Variants in WWP2 observed in about 807,000 individuals in gnomAD.
WWP2 encodes NEDD4-like E3 ubiquitin-protein ligase WWP2.
A neutral mutation model predicts 121.0 loss-of-function variants in WWP2; 57 were observed. The ratio of observed to expected loss-of-function variants is 0.47; its 90% confidence interval spans 0.38 to 0.59. The LOEUF is 0.59. WWP2 is among the 20% of genes least tolerant of loss of function. The pLI, the probability that WWP2 is intolerant of heterozygous loss-of-function variation, is 0.00. For missense variants in WWP2, 962 were observed against 1,158.9 expected (o/e 0.83, Z 2.47); for synonymous variants, 449 against 441.3 (o/e 1.02, Z -0.22).
chr16:69,853,378 G>A (rs1282809969), intron 6 of WWP2, among the ~76,000 whole-genome samples: 1 of 152,212 alleles, frequency 6.6e-6, no homozygotes, highest in African/African-American at 2.4e-5. Flanking sequence ...TATTTGAAGT[G>A]GGTGTGCAGG....
Position 69,871,881 on chromosome 16 carries a change from A to T in WWP2, c.653A>T (p.His218Leu). 6.2e-7 allele frequency: 1 copy of T among 1,614,042 alleles called. No individual in the cohort carries two copies. Among genetic ancestry groups the T allele is most frequent in the South Asian group, 1.1e-5 (1 of 91,084 alleles). Reference sequence around the variant, plus strand: ...CAAAGCCCCGGTGCTCGGAGCCGGCACCGCCAGCCCGTCAAGAACTCAGGC... The same window carrying T: ...CAAAGCCCCGGTGCTCGGAGCCGGCTCCGCCAGCCCGTCAAGAACTCAGGC... Reference protein sequence around the residue: ...GEQSPGARSRHRQPVKNSGHS... With the variant: ...GEQSPGARSRLRQPVKNSGHS... The change falls in exon 7 of 24, where the codon CAC becomes CTC. Residue 218 changes from histidine (H) to leucine (L), a missense_variant. His to Leu is a moderately conservative substitution (Grantham distance 99). Coordinates refer to ENST00000359154, the MANE Select transcript of WWP2 (RefSeq NM_001270454.2).
chr16:69,852,682 C>G (rs910059993), intron 6 of WWP2, among the ~76,000 whole-genome samples: 1 of 147,764 alleles, frequency 6.8e-6, no homozygotes, highest in Non-Finnish European at 1.5e-5. Context: ...TGTTCATGTT[C>G]TTATTGTTGA....
chr16:69,838,641 G>T, intron 4 of WWP2: 1 of 803,036 alleles, frequency 1.2e-6, no homozygotes, highest in African/African-American at 1.9e-5. Flanking sequence ...CACTCCCAGG[G>T]ATGGCAAGAG....
chr16:69,766,720 C>T (rs2038738586), intron 1 of WWP2, among the ~76,000 whole-genome samples: 1 of 152,130 alleles, frequency 6.6e-6, no homozygotes, highest in Non-Finnish European at 1.5e-5. Flanking sequence ...CTTTACTCAA[C>T]CATCACCTTC....
At chr16:69,763,437 A>T (rs570805131) in intron 1 of WWP2, among the ~76,000 whole-genome samples, 1 of 152,324 alleles carries the variant, frequency 6.6e-6, no homozygotes, top group African/African-American at 2.4e-5. Flanking sequence ...AAGGAGTTTC[A>T]TGAGTGCAGT....
rs2058692765 is a variant in WWP2, at chr16:69,930,209, A to G, written c.1396A>G (p.Asn466Asp). 1.9e-6 allele frequency: 3 copies of G among 1,613,926 alleles called. No individual in the cohort carries two copies. The highest frequency in any genetic ancestry group is 1.1e-5 in the South Asian group (1 of 91,044). Residue 466 changes from asparagine to aspartate, a missense_variant, in exon 13 of 24, where the codon AAT becomes GAT. Coordinates refer to ENST00000359154, the MANE Select transcript of WWP2 (RefSeq NM_001270454.2). ...SEGVRYFVDH[N>D]TRTTTFKDPR... is the part of the protein sequence containing the mutation. ...GGGGGTGCGATACTTTGTGGACCAC[A>G]ATACCCGCACCACCACCTTTAAGGA...
At chr16:69,810,003 A>G (rs1458881064) in intron 4 of WWP2, among the ~76,000 whole-genome samples, 1 of 152,156 alleles carries the variant, frequency 6.6e-6, no homozygotes, top group Non-Finnish European at 1.5e-5. Context: ...TGTGTAGGGT[A>G]AGTGGGTCAC....
chr16:69,910,556 C>T (rs998720825), intron 9 of WWP2, among the ~76,000 whole-genome samples: 2 of 152,192 alleles, frequency 1.3e-5, no homozygotes, highest in African/African-American at 4.8e-5. Context: ...ATTACAGGCG[C>T]CCGCCACTAT....
chr16:69,840,976 G>T (rs928369929), intron 5 of WWP2, among the ~76,000 whole-genome samples: 1 of 152,350 alleles, frequency 6.6e-6, no homozygotes, highest in Middle Eastern at 3.4e-3. Context: ...TCAGTGGCCG[G>T]ATGGGCCTTG....
At chr16:69,797,956 A>T (rs749025996) in intron 2 of WWP2, among the ~76,000 whole-genome samples, 24 of 151,930 alleles carry the variant, frequency 1.6e-4, no homozygotes, top group Non-Finnish European at 2.9e-4. Flanking sequence ...GGGCTGAAGC[A>T]GCCCTCCCAC....
At chr16:69,861,604 T>C (rs533980075) in intron 6 of WWP2, among the ~76,000 whole-genome samples, 2 of 151,412 alleles carry the variant, frequency 1.3e-5, no homozygotes, top group African/African-American at 4.8e-5. Context: ...TAACTCTAAT[T>C]GTGCCTTTCC....
At position 69,931,256 on chromosome 16, in the gene WWP2, C is replaced by G. The variant is rs760679459; in HGVS notation, c.1521+29C>G. ...AGTTCTGGTACTGGGGCTCCCGTGGCAGTTGGGGTTATTGAGTTATTTCAG... is the reference window on the plus strand; with the variant it reads ...AGTTCTGGTACTGGGGCTCCCGTGGGAGTTGGGGTTATTGAGTTATTTCAG... On this transcript the variant is annotated intron_variant, in intron 14 of 23. Coordinates refer to ENST00000359154, the MANE Select transcript of WWP2 (RefSeq NM_001270454.2). The G allele has an allele frequency of 1.9e-6, 3 of 1,612,816 alleles. No homozygotes were observed. The South Asian group carries it at 3.3e-5, about 18-fold the overall frequency.
At chr16:69,921,733 A>G (rs1047939962) in intron 10 of WWP2, among the ~76,000 whole-genome samples, 25 of 152,172 alleles carry the variant, frequency 1.6e-4, no homozygotes, top group African/African-American at 5.6e-4. Context: ...TGACGGGACT[A>G]TCACACGGCC....
intron 4 of WWP2, among the ~76,000 whole-genome samples, chr16:69,837,416 TTCTGAGCCTTCAAA>T (rs2056896679): frequency 6.6e-6 from 1 of 152,212 alleles, no homozygotes; most frequent in Non-Finnish European, 1.5e-5. Context: ...GTATGATGGC[TTCTGAGCCTTCAAA>T]TATATAATGA....
rs1239933332 is a variant in WWP2 at position 69,917,897 on chromosome 16, C to T, written c.1179+14C>T. On this transcript the variant is annotated intron_variant, in intron 10 of 23. Coordinates refer to ENST00000359154, the MANE Select transcript of WWP2 (RefSeq NM_001270454.2). Reference sequence around the variant, plus strand: ...TTCCTCTACCAGGTGAGAGGGCAGGCGCTTGGCCCGAGGTGGGGCCGCCTC... The same window carrying T: ...TTCCTCTACCAGGTGAGAGGGCAGGTGCTTGGCCCGAGGTGGGGCCGCCTC... The T allele has an allele frequency of 1.4e-5, 22 of 1,603,052 alleles. No homozygotes were observed. The highest frequency in any genetic ancestry group is 8.4e-5 in the Admixed American group (5 of 59,802).
chr16:69,939,411 C>T lies in WWP2; in HGVS notation c.2511C>T (p.Thr837=). 1.2e-6 allele frequency: 2 copies of T among 1,614,126 alleles called. No homozygotes were observed. Among genetic ancestry groups the T allele is most frequent in the Non-Finnish European group, 8.5e-7 (1 of 1,180,022 alleles). The change falls in exon 23 of 24, where the codon ACC becomes ACT. Residue 837 remains threonine (T), a splice_region_variant and synonymous_variant. Transcript: ENST00000359154. ...AAACCTGGCTGCCCAGAAGCCACACCTGGTGAGCCTGCTGGTTTTAGTGGG... is the reference window on the plus strand; with the variant it reads ...AAACCTGGCTGCCCAGAAGCCACACTTGGTGAGCCTGCTGGTTTTAGTGGG... The part of the protein sequence containing the change: ...GKETWLPRSH[T]CFNRLDLPPY...
intron 4 of WWP2, among the ~76,000 whole-genome samples, chr16:69,832,240 G>A (rs1324386792): frequency 6.6e-6 from 1 of 151,992 alleles, no homozygotes; most frequent in Non-Finnish European, 1.5e-5. Flanking sequence ...TGGAAAAACA[G>A]TCGATGAATC....
intron 1 of WWP2, among the ~76,000 whole-genome samples, chr16:69,783,674 GGTGGCTCATGCTTGTA>G (rs1227588308): frequency 1.3e-5 from 2 of 152,070 alleles, no homozygotes; most frequent in Non-Finnish European, 2.9e-5. Context: ...GGCCAGGCTT[GGTGGCTCATGCTTGTA>G]GTCCCAGCAC....
intron 4 of WWP2, among the ~76,000 whole-genome samples, chr16:69,804,838 A>G (rs542944350): frequency 6.6e-6 from 1 of 152,224 alleles, no homozygotes; most frequent in Admixed American, 6.5e-5. Context: ...AATTAATTCA[A>G]ATAATTTTGA....
Sources: allele counts gnomAD v4.1 joint callset (sites outside exome capture counted in the v4.1 genomes callset), GRCh38; gene constraint gnomAD v4.1.1; transcripts MANE v1.5; gene names NCBI Gene and HGNC (gene_info 2026-07-23, HGNC 2026-07-21).